VSTM4: variants seen among roughly 807,000 people sequenced by gnomAD.
The protein encoded by VSTM4 is V-set and transmembrane domain containing 4, also known as V-set and transmembrane domain-containing protein 4.
Under a neutral mutation model 36.4 loss-of-function variants are expected in VSTM4, and 20 were observed. That is an observed-to-expected ratio of 0.55 (90% CI 0.39 to 0.80). The LOEUF is 0.80. VSTM4 is among the 30% of genes least tolerant of loss of function. VSTM4 has a pLI of 0.00. For missense variants in VSTM4, 392 were observed against 404.5 expected (o/e 0.97, Z 0.26); for synonymous variants, 182 against 173.9 (o/e 1.05, Z -0.37).
At chr10:49,042,185 A>G (rs954073993) in intron 7 of VSTM4, among the ~76,000 whole-genome samples, 7 of 152,232 alleles carry the variant, frequency 4.6e-5, no homozygotes, top group African/African-American at 1.2e-4. Context: ...TCCAAGGCCA[A>G]GGGAAATTGA....
chr10:49,083,526 C>A (rs1844316507), intron 3 of VSTM4, among the ~76,000 whole-genome samples: 2 of 152,208 alleles, frequency 1.3e-5, no homozygotes, highest in Admixed American at 1.3e-4. Context: ...CTGCCGAAAT[C>A]ATAGGAAAAG....
intron 7 of VSTM4, among the ~76,000 whole-genome samples, chr10:49,042,872 A>G (rs542517949): frequency 1.1e-4 from 17 of 152,330 alleles, no homozygotes; most frequent in African/African-American, 4.1e-4. Context: ...TATATAGGCT[A>G]TCAGGACAGC....
intron 7 of VSTM4, among the ~76,000 whole-genome samples, chr10:49,031,116 T>C (rs12768497): frequency 0.17 from 25,827 of 152,178 alleles, 2,406 homozygotes; most frequent in South Asian, 0.36. Context: ...TACTTCAACA[T>C]AGATGTTCAT....
At chr10:49,075,072 G>C (rs1844150681) in intron 4 of VSTM4, among the ~76,000 whole-genome samples, 1 of 152,250 alleles carries the variant, frequency 6.6e-6, no homozygotes, top group South Asian at 2.1e-4. Context: ...GGTTTGGGGA[G>C]GGTTTTCAGG....
rs1217924899 is a variant in VSTM4 at position 49,014,948 on chromosome 10, G to A, written c.*4702C>T. ...TGTCAGGGCTTTGGCTGTGACCTATGCCCTGAGGACACCCCCTTTCCCGCA... is the reference window on the plus strand; with the variant it reads ...TGTCAGGGCTTTGGCTGTGACCTATACCCTGAGGACACCCCCTTTCCCGCA... On this transcript the variant is annotated 3_prime_UTR_variant, in exon 8 of 8. Coordinates refer to ENST00000332853, the MANE Select transcript of VSTM4 (RefSeq NM_001031746.5). The A allele has an allele frequency of 1.3e-5, 2 of 152,340 alleles. No homozygotes were observed. The highest frequency in any genetic ancestry group is 2.4e-5 in the African/African-American group (1 of 41,392). The allele number at this position is 152,340 out of a possible 1,614,324, so 9.4% of individuals were successfully genotyped here.
intron 7 of VSTM4, among the ~76,000 whole-genome samples, chr10:49,020,063 T>C (rs987931187): frequency 6.6e-6 from 1 of 152,188 alleles, no homozygotes; most frequent in Non-Finnish European, 1.5e-5. Context: ...AATGAAACTT[T>C]AATGCTGAAG....
At chr10:49,045,201 T>TC (rs1843588830) in intron 7 of VSTM4, among the ~76,000 whole-genome samples, 4 of 98,990 alleles carry the variant, frequency 4.0e-5, no homozygotes, top group Admixed American at 2.0e-4. Flanking sequence ...ACAGTCTTTC[T>TC]TTCTCTCTCT....
At chr10:49,058,846 G>A (rs1843826869) in intron 5 of VSTM4, among the ~76,000 whole-genome samples, 1 of 152,088 alleles carries the variant, frequency 6.6e-6, no homozygotes. Context: ...CTGACCCTGT[G>A]CTTTTTGTCT....
intron 1 of VSTM4, 86 bp downstream of exon 1, chr10:49,115,344 TC>T: frequency 1.1e-6 from 1 of 887,568 alleles, no homozygotes; most frequent in Non-Finnish European, 1.3e-6. Context: ...TGGCAGGGCC[TC>T]CCCACCAGGC....
In VSTM4 at chr10:49,024,496, G is replaced by C. The variant is rs531471341; in HGVS notation, c.838-4721C>G. ...GGAGAGTGGCTGAGGCTATCGTCCT[G>C]GGGCTGACAGCAGATCATGGGTGCA... On this transcript the variant is annotated intron_variant, in intron 7 of 7. Coordinates refer to ENST00000332853, the MANE Select transcript of VSTM4 (RefSeq NM_001031746.5). Among the ~76,000 whole-genome samples, 12 of 152,284 alleles carry C rather than the reference G, an allele frequency of 7.9e-5. No homozygotes were observed. In the East Asian group the frequency reaches 2.3e-3, roughly 29 times the overall value.
chr10:49,070,485 T>A (rs1844057975), intron 4 of VSTM4, among the ~76,000 whole-genome samples: 1 of 152,042 alleles, frequency 6.6e-6, no homozygotes, highest in Non-Finnish European at 1.5e-5. Context: ...GGCCTTCACT[T>A]GTCTGAGCAG....
intron 5 of VSTM4, among the ~76,000 whole-genome samples, chr10:49,059,960 T>C (rs1843846429): frequency 1.3e-5 from 2 of 152,234 alleles, no homozygotes; most frequent in Non-Finnish European, 2.9e-5. Flanking sequence ...AATGGAATCA[T>C]ATGATATGTA....
chr10:49,078,161 C>T (rs1265717422), intron 3 of VSTM4, among the ~76,000 whole-genome samples: 1 of 152,164 alleles, frequency 6.6e-6, no homozygotes, highest in Non-Finnish European at 1.5e-5. Flanking sequence ...GTGACATCCC[C>T]AAATGCTGGC....
At chr10:49,037,856 T>G (rs1020943207) in intron 7 of VSTM4, among the ~76,000 whole-genome samples, 1 of 151,660 alleles carries the variant, frequency 6.6e-6, no homozygotes, top group Non-Finnish European at 1.5e-5. Flanking sequence ...CATAAAAAGA[T>G]GCTCAACATC....
intron 7 of VSTM4, among the ~76,000 whole-genome samples, chr10:49,026,451 G>A (rs968935317): frequency 6.6e-6 from 1 of 152,250 alleles, no homozygotes; most frequent in African/African-American, 2.4e-5. Context: ...CCTGGACTAT[G>A]CCCAGATATC....
chr10:49,056,965 C>A (rs891279005), intron 5 of VSTM4, among the ~76,000 whole-genome samples: 1 of 151,826 alleles, frequency 6.6e-6, no homozygotes, highest in Non-Finnish European at 1.5e-5. Flanking sequence ...CCAGTCATGG[C>A]GGAAGGTAAA....
At chr10:49,090,684 G>T (rs964669777) in intron 2 of VSTM4, among the ~76,000 whole-genome samples, 1 of 152,214 alleles carries the variant, frequency 6.6e-6, no homozygotes, top group African/African-American at 2.4e-5. Flanking sequence ...TCTGACCACA[G>T]CCCCCCTCTG....
rs1214619594 is a variant in VSTM4 at position 49,084,964 on chromosome 10, AC to A, written c.526+990del. ...GCCCCTGCCACTAGATGCCAGGAGT[AC>A]CCCCAAAAGCTGTGACAACCAAAGA... On this transcript the variant is annotated intron_variant, in intron 3 of 7. Coordinates refer to ENST00000332853, the MANE Select transcript of VSTM4 (RefSeq NM_001031746.5). 2.6e-5 allele frequency among the ~76,000 whole-genome samples: 4 copies of A among 152,328 alleles called. No individual in the cohort carries two copies. The East Asian group carries it at 7.7e-4, about 29-fold the overall frequency.
intron 4 of VSTM4, among the ~76,000 whole-genome samples, chr10:49,065,547 G>T (rs1843958479): frequency 6.6e-6 from 1 of 152,208 alleles, no homozygotes; most frequent in Admixed American, 6.5e-5. Flanking sequence ...GCCCTCTCTT[G>T]TTGCAGGGAA....
Sources: allele counts gnomAD v4.1 joint callset (sites outside exome capture counted in the v4.1 genomes callset), GRCh38; gene constraint gnomAD v4.1.1; transcripts MANE v1.5; gene names NCBI Gene and HGNC (gene_info 2026-07-23, HGNC 2026-07-21).